The following CDK19 variants were observed in gnomAD, a reference collection of about 807,000 sequenced individuals.
CDK19 encodes cyclin dependent kinase 19, also known as cyclin-dependent kinase 19.
CDK19 carries 20 observed loss-of-function variants against 68.3 expected under a neutral mutation model. That is an observed-to-expected ratio of 0.29 (90% CI 0.21 to 0.43). The LOEUF (loss-of-function observed/expected upper bound fraction) is 0.43, where lower values mean the gene tolerates loss of function less well. Among genes scored for constraint, CDK19 ranks in the 20% least tolerant of loss-of-function variants. CDK19 has a pLI of 1.00. For missense variants in CDK19, 339 were observed against 623.5 expected (o/e 0.54, Z 4.86); for synonymous variants, 221 against 222.8 (o/e 0.99, Z 0.07).
At chr6:110,630,035 A>G (rs1037232320) in intron 6 of CDK19, among the ~76,000 whole-genome samples, 1 of 152,222 alleles carries the variant, frequency 6.6e-6, no homozygotes, top group African/African-American at 2.4e-5. Context: ...AACAAGAGAA[A>G]AATAAATCAG....
intron 2 of CDK19, among the ~76,000 whole-genome samples, chr6:110,713,058 G>A (rs187991076): frequency 1.3e-4 from 20 of 152,014 alleles, no homozygotes; most frequent in African/African-American, 3.6e-4. Context: ...TTAGCTGGGC[G>A]TGGTGGCGCG....
At chr6:110,646,037 C>G (rs1294713402) in intron 4 of CDK19, 1 of 921,668 alleles carries the variant, frequency 1.1e-6, no homozygotes, top group Middle Eastern at 2.1e-4. Context: ...TGCGTGCCAT[C>G]TACGAAGCTA....
chr6:110,778,330 T>C (rs1780559182), intron 1 of CDK19, among the ~76,000 whole-genome samples: 1 of 152,214 alleles, frequency 6.6e-6, no homozygotes. Context: ...TTCCTATCAA[T>C]GTCTTTCTTA....
intron 6 of CDK19, among the ~76,000 whole-genome samples, chr6:110,631,034 G>T (rs993500129): frequency 1.3e-5 from 2 of 151,994 alleles, no homozygotes; most frequent in African/African-American, 2.4e-5. Flanking sequence ...TAGCTCTTTG[G>T]GTATCACCAG....
chr6:110,623,879 GTATA>G (rs554293289), intron 8 of CDK19, among the ~76,000 whole-genome samples: 80 of 113,526 alleles, frequency 7.0e-4, no homozygotes, highest in Non-Finnish European at 4.7e-4. Context: ...GTATATATAC[GTATA>G]TATATATGTG....
chr6:110,629,021 T>C (rs1230027386), intron 6 of CDK19, among the ~76,000 whole-genome samples: 1 of 152,152 alleles, frequency 6.6e-6, no homozygotes, highest in Non-Finnish European at 1.5e-5. Context: ...GTCATACTGG[T>C]TGTCACTCTT....
At chr6:110,776,509 A>G (rs914796508) in intron 1 of CDK19, among the ~76,000 whole-genome samples, 6 of 152,158 alleles carry the variant, frequency 3.9e-5, no homozygotes, top group Non-Finnish European at 5.9e-5. Context: ...AAGCCTGAAG[A>G]AGCAATCAAA....
In CDK19 at chr6:110,614,454, A is replaced by G. The variant is rs1357431859; in HGVS notation, c.*81T>C. The G allele has an allele frequency of 1.7e-5, 24 of 1,426,290 alleles. No individual in the cohort carries two copies. The highest frequency in any genetic ancestry group is 2.8e-5 in the African/African-American group (2 of 70,450). 88.4% of individuals were successfully genotyped at this position (1,426,290 alleles called of 1,614,324 possible). On this transcript the variant is annotated 3_prime_UTR_variant, in exon 13 of 13. Coordinates refer to ENST00000368911, the MANE Select transcript of CDK19 (RefSeq NM_015076.5). ...AGTTTTAAATGGCATCATAGTTTGC[A>G]TTTTTTTGGTTCTTTTCAATGCAGA...
intron 1 of CDK19, among the ~76,000 whole-genome samples, chr6:110,811,218 T>A (rs1411412344): frequency 6.6e-6 from 1 of 152,172 alleles, no homozygotes; most frequent in Non-Finnish European, 1.5e-5. Flanking sequence ...AATACAATAA[T>A]CTAACTACAA....
intron 1 of CDK19, among the ~76,000 whole-genome samples, chr6:110,752,116 C>T (rs538600899): frequency 6.6e-6 from 1 of 151,990 alleles, no homozygotes; most frequent in South Asian, 2.1e-4. Context: ...TCAGTATCAT[C>T]ATGAGCCCAA....
chr6:110,694,247 A>T (rs927166057), intron 2 of CDK19, among the ~76,000 whole-genome samples: 2 of 152,170 alleles, frequency 1.3e-5, no homozygotes, highest in Non-Finnish European at 2.9e-5. Flanking sequence ...TCTTCAAGAG[A>T]CTCACCTAAC....
chr6:110,694,988 G>A (rs1458542335), intron 2 of CDK19, among the ~76,000 whole-genome samples: 1 of 152,108 alleles, frequency 6.6e-6, no homozygotes, highest in Non-Finnish European at 1.5e-5. Context: ...ATGGTGGCAG[G>A]TGCCTGTAAT....
chr6:110,730,470 A>G (rs1478756389), intron 2 of CDK19, among the ~76,000 whole-genome samples: 6 of 152,214 alleles, frequency 3.9e-5, no homozygotes, highest in Non-Finnish European at 8.8e-5. Context: ...TTACTATTTG[A>G]TTTCACTAAC....
intron 2 of CDK19, among the ~76,000 whole-genome samples, chr6:110,745,733 A>G (rs1778029884): frequency 6.6e-6 from 1 of 152,110 alleles, no homozygotes; most frequent in Admixed American, 6.6e-5. Context: ...TTGGGAGGCC[A>G]CGGAGAGAGG....
chr6:110,659,144 T>C (rs375493395), intron 4 of CDK19, among the ~76,000 whole-genome samples: 1 of 152,216 alleles, frequency 6.6e-6, no homozygotes. Flanking sequence ...ATGGTTACAG[T>C]AAGATTTTAA....
chr6:110,651,148 C>T (rs985674943), intron 4 of CDK19, among the ~76,000 whole-genome samples: 10 of 152,098 alleles, frequency 6.6e-5, no homozygotes, highest in African/African-American at 2.4e-4. Flanking sequence ...GGAGAGACTT[C>T]GGGTTTTACA....
intron 2 of CDK19, among the ~76,000 whole-genome samples, chr6:110,726,972 T>C (rs2114774705): frequency 6.6e-6 from 1 of 152,308 alleles, no homozygotes; most frequent in African/African-American, 2.4e-5. Flanking sequence ...AGAACAACTA[T>C]TATTCAGTGG....
intron 1 of CDK19, among the ~76,000 whole-genome samples, chr6:110,794,738 C>T (rs1781828732): frequency 6.6e-6 from 1 of 151,508 alleles, no homozygotes; most frequent in African/African-American, 2.4e-5. Flanking sequence ...AATTTCTATA[C>T]CAAAACACAA....
chr6:110,613,909 G>C lies in CDK19; in HGVS notation c.*626C>G, dbSNP rs527338051. On this transcript the variant is annotated 3_prime_UTR_variant, in exon 13 of 13. Coordinates refer to ENST00000368911, the MANE Select transcript of CDK19 (RefSeq NM_015076.5). ...TAAAGCACATAACTGCAAAGATCTA[G>C]GCAGTTTTTGGTTGTAGGTTCCCTC... 18 of 152,658 alleles carry C rather than the reference G, an allele frequency of 1.2e-4. No individual in the cohort carries two copies. Among genetic ancestry groups the C allele is most frequent in the African/African-American group, 4.3e-4 (18 of 41,542 alleles). 9.5% of individuals were successfully genotyped at this position (152,658 alleles called of 1,614,324 possible).
Sources: allele counts gnomAD v4.1 joint callset (sites outside exome capture counted in the v4.1 genomes callset), GRCh38; gene constraint gnomAD v4.1.1; transcripts MANE v1.5; gene names NCBI Gene and HGNC (gene_info 2026-07-23, HGNC 2026-07-21).